WDR41: variants seen among roughly 807,000 people sequenced by gnomAD.
WDR41 encodes the protein WD repeat-containing protein 41.
WDR41 carries 63 observed loss-of-function variants against 69.3 expected under a neutral mutation model. The ratio of observed to expected loss-of-function variants is 0.91; its 90% CI spans 0.74 to 1.12. The LOEUF is 1.12. Among genes scored for constraint, WDR41 ranks in the 50% most tolerant of loss-of-function variants. The pLI, the probability that WDR41 is intolerant of heterozygous loss-of-function variation, is 0.00. For synonymous variants in WDR41, 185 were observed against 192.1 expected (o/e 0.96, Z 0.31); for missense variants, 543 against 534.5 (o/e 1.02, Z -0.16).
intron 2 of WDR41, among the ~76,000 whole-genome samples, chr5:77,471,130 A>C (rs1217374236): frequency 6.6e-6 from 1 of 152,216 alleles, no homozygotes; most frequent in African/African-American, 2.4e-5. Flanking sequence ...ACTCACTCAA[A>C]ACCGTTCAAC....
chr5:77,595,459 T>C (rs1220207166), intron 1 of WDR41, among the ~76,000 whole-genome samples: 2 of 152,218 alleles, frequency 1.3e-5, no homozygotes, highest in African/African-American at 4.8e-5. Context: ...CCTTGTAGCA[T>C]GTCAAATTGC....
intron 1 of WDR41, among the ~76,000 whole-genome samples, chr5:77,566,220 A>C (rs1280505260): frequency 2.6e-5 from 4 of 152,126 alleles, no homozygotes; most frequent in Non-Finnish European, 4.4e-5. Context: ...ATCATAGAAC[A>C]TGAGCAGCAG....
chr5:77,513,444 T>C (rs1802239588), intron 1 of WDR41, among the ~76,000 whole-genome samples: 1 of 152,184 alleles, frequency 6.6e-6, no homozygotes, highest in Non-Finnish European at 1.5e-5. Flanking sequence ...GAATTCACAA[T>C]AGTCTAGATA....
At chr5:77,598,343 A>G (rs1744260890) in intron 1 of WDR41, among the ~76,000 whole-genome samples, 1 of 152,228 alleles carries the variant, frequency 6.6e-6, no homozygotes, top group East Asian at 1.9e-4. Context: ...ACTCCCTTGT[A>G]CAAGATGACC....
chr5:77,546,125 C>G lies in WDR41; in HGVS notation c.43-56553G>C, dbSNP rs552661314. On this transcript the variant is annotated intron_variant, in intron 1 of 5. Coordinates refer to the WDR41 transcript ENST00000509971. ...GGCCACCTTTGATGCCATCTCAGACCTACAGCTACTTGACCTCCGACCTCT... is the reference window on the plus strand; with the variant it reads ...GGCCACCTTTGATGCCATCTCAGACGTACAGCTACTTGACCTCCGACCTCT... The G allele has an allele frequency of 9.6e-5, 48 of 502,504 alleles. 3 individuals are homozygous for G. The Admixed American group carries it at 1.4e-3, about 15-fold the overall frequency. 31.1% of individuals were successfully genotyped at this position (502,504 alleles called of 1,614,324 possible).
intron 1 of WDR41, among the ~76,000 whole-genome samples, chr5:77,512,331 T>TGAGAGAGAGAGAAA (rs59306558): frequency 8.0e-4 from 70 of 87,944 alleles, no homozygotes; most frequent in African/African-American, 1.5e-3. Context: ...ATGGGGTGAG[T>TGAGAGAGAGAGAAA]GAGAGAGAGA....
chr5:77,531,949 G>T (rs150341606), intron 1 of WDR41, among the ~76,000 whole-genome samples: 7 of 152,020 alleles, frequency 4.6e-5, no homozygotes, highest in Middle Eastern at 3.4e-3. Context: ...GGGACTAGGG[G>T]GAGGGAAGAA....
intron 2 of WDR41, among the ~76,000 whole-genome samples, chr5:77,486,154 CCTT>C (rs1210798764): frequency 3.3e-5 from 5 of 152,160 alleles, no homozygotes; most frequent in African/African-American, 9.7e-5. Flanking sequence ...TTTCCTGTGT[CCTT>C]CTTACGAAGA....
chr5:77,608,723 G>A (rs554999200), intron 1 of WDR41, among the ~76,000 whole-genome samples: 4 of 152,362 alleles, frequency 2.6e-5, no homozygotes, highest in African/African-American at 9.6e-5. Flanking sequence ...CCCAGCGTGA[G>A]TGACGCAGAA....
chr5:77,491,315 C>T (rs1369650548), intron 1 of WDR41: 1 of 220,350 alleles, frequency 4.5e-6, no homozygotes, highest in East Asian at 1.5e-4. Flanking sequence ...CTACCCAAAT[C>T]CTATAAAACG....
At chr5:77,505,641 A>G (rs1581777654) in intron 1 of WDR41, among the ~76,000 whole-genome samples, 2 of 152,350 alleles carry the variant, frequency 1.3e-5, no homozygotes, top group African/African-American at 2.4e-5. Flanking sequence ...AAACTATGCT[A>G]CAAGGCTACA....
intron 1 of WDR41, among the ~76,000 whole-genome samples, chr5:77,558,094 T>TTAAAAAAAAAAAAAA (rs1554036365): frequency 5.8e-5 from 6 of 104,300 alleles, no homozygotes; most frequent in African/African-American, 2.2e-4. Flanking sequence ...ATGTTCTTTT[T>TTAAAAAAAAAAAAAA]AAAAAAAAAA....
chr5:77,475,482 G>A (rs933156520), intron 2 of WDR41, among the ~76,000 whole-genome samples: 7 of 152,176 alleles, frequency 4.6e-5, no homozygotes, highest in Non-Finnish European at 8.8e-5. Flanking sequence ...CTGACAACGG[G>A]CAGACTGCCT....
chr5:77,616,625 C>A (rs1408713774), intron 1 of WDR41, among the ~76,000 whole-genome samples: 5 of 152,164 alleles, frequency 3.3e-5, no homozygotes, highest in Admixed American at 3.3e-4. Context: ...CATACACATA[C>A]ATTTACTTCA....
intron 2 of WDR41, among the ~76,000 whole-genome samples, chr5:77,471,506 T>C (rs1384498211): frequency 2.6e-5 from 4 of 151,784 alleles, no homozygotes; most frequent in South Asian, 2.1e-4. Flanking sequence ...TTTGAAAAGA[T>C]CAACAAAATT....
intron 1 of WDR41, among the ~76,000 whole-genome samples, chr5:77,532,593 T>A (rs561432161): frequency 5.6e-4 from 85 of 152,180 alleles, no homozygotes; most frequent in African/African-American, 2.0e-3. Flanking sequence ...AGTAGGGTAG[T>A]TTATAATCAC....
intron 1 of WDR41, among the ~76,000 whole-genome samples, chr5:77,611,312 G>C (rs1448943550): frequency 6.6e-6 from 1 of 152,198 alleles, no homozygotes; most frequent in Admixed American, 6.5e-5. Flanking sequence ...AGATCTAATA[G>C]ACATCTACAG....
At chr5:77,500,239 T>C (rs1273317722) in intron 1 of WDR41, among the ~76,000 whole-genome samples, 1 of 151,958 alleles carries the variant, frequency 6.6e-6, no homozygotes. Flanking sequence ...AGCAAAGAAA[T>C]AGAACATATA....
intron 1 of WDR41, among the ~76,000 whole-genome samples, chr5:77,594,265 T>G (rs1580037914): frequency 5.6e-5 from 3 of 53,804 alleles, no homozygotes; most frequent in African/African-American, 7.6e-5. Flanking sequence ...GGGCCTGTTG[T>G]GGGGTGGGGG....
Sources: allele counts gnomAD v4.1 joint callset (sites outside exome capture counted in the v4.1 genomes callset), GRCh38; gene constraint gnomAD v4.1.1; transcripts MANE v1.5; gene names NCBI Gene and HGNC (gene_info 2026-07-23, HGNC 2026-07-21).